MTMR7: variants seen among roughly 807,000 people sequenced by gnomAD.
The protein encoded by MTMR7 is myotubularin related protein 7.
Under a neutral mutation model 81.2 loss-of-function variants are expected in MTMR7, and 76 were observed. That is an observed-to-expected ratio of 0.94 (90% confidence interval 0.78 to 1.13). The LOEUF (loss-of-function observed/expected upper bound fraction) is 1.13. MTMR7 is among the 50% of genes most tolerant of loss of function. MTMR7 has a pLI of 0.00. For synonymous variants in MTMR7, 372 were observed against 289.8 expected (o/e 1.28, Z -2.88); for missense variants, 1,044 against 820.0 (o/e 1.27, Z -3.34).
At chr8:17,344,109 T>TA (rs1452311037) in intron 5 of MTMR7, among the ~76,000 whole-genome samples, 2 of 152,204 alleles carry the variant, frequency 1.3e-5, no homozygotes, top group African/African-American at 4.8e-5. Context: ...CTAATTATCA[T>TA]ATACAATAAG....
chr8:17,379,223 A>G (rs573360498), intron 1 of MTMR7, among the ~76,000 whole-genome samples: 11 of 152,332 alleles, frequency 7.2e-5, no homozygotes, highest in East Asian at 1.9e-4. Context: ...TCCTGGAAGC[A>G]TGAGGATCAT....
intron 11 of MTMR7, 43 bp from the exon 12 acceptor site, chr8:17,304,562 C>A: frequency 6.3e-7 from 1 of 1,585,222 alleles, no homozygotes. Context: ...TATTTTGGTG[C>A]TTACACACAG....
intron 5 of MTMR7, among the ~76,000 whole-genome samples, chr8:17,343,476 T>C (rs1184833097): frequency 2.0e-5 from 3 of 151,682 alleles, no homozygotes; most frequent in Non-Finnish European, 4.4e-5. Flanking sequence ...CAGACAATCT[T>C]AGATTCCATC....
At chr8:17,397,648 G>A (rs376739699) in intron 1 of MTMR7, among the ~76,000 whole-genome samples, 5 of 152,120 alleles carry the variant, frequency 3.3e-5, no homozygotes, top group South Asian at 2.1e-4. Context: ...GGGGGAACTC[G>A]CCACCCTGAA....
At position 17,378,065 on chromosome 8, in the gene MTMR7, G is replaced by T. The variant is rs1820643282; in HGVS notation, c.25-4825C>A. Among the ~76,000 whole-genome samples the T allele has an allele frequency of 2.0e-5, 3 of 152,112 alleles. No individual in the cohort carries two copies. The South Asian group carries it at 6.2e-4, about 31-fold the overall frequency. On this transcript the variant is annotated intron_variant, in intron 1 of 13. Transcript: ENST00000180173. ...GAAAAGCTCAGTGGAGCAGAATAAG[G>T]TATGCAGATGTTGAGAGATTAGAAT...
At chr8:17,314,171 G>C (rs1339108823) in intron 7 of MTMR7, among the ~76,000 whole-genome samples, 2 of 152,266 alleles carry the variant, frequency 1.3e-5, no homozygotes, top group East Asian at 3.9e-4. Flanking sequence ...CTAGTGTTCT[G>C]AGTACATATC....
chr8:17,377,582 T>C (rs1437194229), intron 1 of MTMR7, among the ~76,000 whole-genome samples: 1 of 150,990 alleles, frequency 6.6e-6, no homozygotes, highest in African/African-American at 2.4e-5. Context: ...CCATGTGGTT[T>C]TTGTCTGTCT....
rs903201832 is a variant in MTMR7, at chr8:17,297,704, T to G, written c.*2158A>C. ...TCAATAAAACACTTCCTGATTAATG[T>G]TTGATTATTAGATATTTTAGTCTTG... On this transcript the variant is annotated 3_prime_UTR_variant, in exon 14 of 14. Transcript: ENST00000180173. 3 of 152,072 alleles carry G rather than the reference T, an allele frequency of 2.0e-5. No individual in the cohort carries two copies. The highest frequency in any genetic ancestry group is 4.4e-5 in the Non-Finnish European group (3 of 67,938). The allele number at this position is 152,072 out of a possible 1,614,324, so 9.4% of individuals were successfully genotyped here. A position where few individuals can be genotyped will look rare whatever the true frequency, so the allele number is the denominator to read the frequency against.
chr8:17,380,146 T>C (rs74926648), intron 1 of MTMR7, among the ~76,000 whole-genome samples: 9,147 of 152,236 alleles, frequency 0.06, 323 homozygotes, highest in Non-Finnish European at 0.071. Flanking sequence ...AGAAATTCTG[T>C]GGAAAGCTTT....
chr8:17,374,598 C>T (rs913944145), intron 1 of MTMR7, among the ~76,000 whole-genome samples: 10 of 151,504 alleles, frequency 6.6e-5, no homozygotes, highest in Non-Finnish European at 1.5e-4. Flanking sequence ...CGTAGCCTGG[C>T]GACAGAGTGA....
chr8:17,354,184 T>C (rs1216047738), intron 4 of MTMR7, among the ~76,000 whole-genome samples: 1 of 152,198 alleles, frequency 6.6e-6, no homozygotes, highest in Admixed American at 6.5e-5. Context: ...ATTTCAGTGC[T>C]AAAATTTATT....
At chr8:17,338,456 C>G (rs950460864) in intron 6 of MTMR7, among the ~76,000 whole-genome samples, 1 of 152,182 alleles carries the variant, frequency 6.6e-6, no homozygotes, top group Non-Finnish European at 1.5e-5. Flanking sequence ...CCAATCTCTC[C>G]TCAGTAAAGC....
At chr8:17,386,457 T>C (rs4921767) in intron 1 of MTMR7, among the ~76,000 whole-genome samples, 41,231 of 152,170 alleles carry the variant, frequency 0.27, 6,793 homozygotes, top group Non-Finnish European at 0.38. Context: ...AGGACTCTTA[T>C]AGGAGCAAGA....
chr8:17,356,526 C>G (rs987315700), intron 4 of MTMR7, among the ~76,000 whole-genome samples: 1 of 151,872 alleles, frequency 6.6e-6, no homozygotes, highest in East Asian at 1.9e-4. Context: ...TGGTGAAATA[C>G]CATCTCTACT....
intron 1 of MTMR7, among the ~76,000 whole-genome samples, chr8:17,400,211 T>G (rs1002810): frequency 6.6e-6 from 1 of 152,058 alleles, no homozygotes; most frequent in Non-Finnish European, 1.5e-5. Flanking sequence ...AAAAGAAAAT[T>G]CTGAAATAAC....
At chr8:17,366,394 A>C (rs546550387) in intron 3 of MTMR7, among the ~76,000 whole-genome samples, 48 of 152,326 alleles carry the variant, frequency 3.2e-4, no homozygotes, top group Non-Finnish European at 5.9e-5. Flanking sequence ...TGTAATATTA[A>C]AATCAAAAGT....
intron 1 of MTMR7, among the ~76,000 whole-genome samples, chr8:17,410,399 C>T (rs146650983): frequency 1.3e-5 from 2 of 150,198 alleles, no homozygotes; most frequent in African/African-American, 4.8e-5. Flanking sequence ...CTTCCAGGAG[C>T]CCTGAAGTCT....
At chr8:17,355,728 A>T (rs1332894211) in intron 4 of MTMR7, among the ~76,000 whole-genome samples, 1 of 124,450 alleles carries the variant, frequency 8.0e-6, no homozygotes, top group East Asian at 4.1e-4. Flanking sequence ...ACATTATATA[A>T]AGAACTACAA....
intron 1 of MTMR7, among the ~76,000 whole-genome samples, chr8:17,385,849 G>T (rs1004527002): frequency 6.6e-6 from 1 of 152,184 alleles, no homozygotes; most frequent in Non-Finnish European, 1.5e-5. Flanking sequence ...ACAAACTTTG[G>T]AACCATGAGC....
Sources: allele counts gnomAD v4.1 joint callset (sites outside exome capture counted in the v4.1 genomes callset), GRCh38; gene constraint gnomAD v4.1.1; transcripts MANE v1.5; gene names NCBI Gene and HGNC (gene_info 2026-07-23, HGNC 2026-07-21).